Variants in SETD2 observed in about 807,000 individuals in gnomAD.
The protein encoded by SETD2 is histone-lysine N-methyltransferase SETD2.
SETD2 carries 31 observed loss-of-function variants against 242.1 expected under a neutral mutation model. That is an observed-to-expected ratio of 0.13 (90% CI 0.10 to 0.17). The LOEUF (loss-of-function observed/expected upper bound fraction) is 0.17. Among genes scored for constraint, SETD2 ranks in the 10% least tolerant of loss-of-function variants. The pLI, the probability that SETD2 is intolerant of heterozygous loss-of-function variation, is 1.00. For synonymous variants in SETD2, 1,006 were observed against 1,066.5 expected, an observed-to-expected ratio of 0.94 and a Z score of 1.11; for missense variants, 2,481 against 3,046.3, an observed-to-expected ratio of 0.81 and a Z score of 4.37.
Position 47,017,518 on chromosome 3 carries a change from C to A in SETD2, c.7533+120G>T, listed in dbSNP as rs551975319. Reference sequence around the variant, plus strand: ...AACCTTCCCTCCCCGTTCCTGGGTCCCCAGCTCTGACATCTGACAAGAAAA... The same window carrying A: ...AACCTTCCCTCCCCGTTCCTGGGTCACCAGCTCTGACATCTGACAAGAAAA... On this transcript the variant is annotated intron_variant, in intron 20 of 20. Transcript: ENST00000409792. The surrounding 1 kb of genome is among the most constrained non-coding windows in gnomAD (Gnocchi z 4.8). The A allele has an allele frequency of 1.3e-4, 101 of 801,556 alleles. 1 individual carries two copies. The South Asian group carries it at 1.7e-3, about 14-fold the overall frequency. The allele number at this position is 801,556 out of a possible 1,614,324, so 49.7% of individuals were successfully genotyped here.
At chr3:47,106,179 T>C (rs975363862) in intron 5 of SETD2, 59 bp from the exon 6 acceptor site, 28 of 1,475,578 alleles carry the variant, frequency 1.9e-5, no homozygotes, top group Non-Finnish European at 2.6e-5. Flanking sequence ...GGAAAACATA[T>C]ATGCTCAGGC....
intron 9 of SETD2, among the ~76,000 whole-genome samples, chr3:47,093,306 C>A (rs999401954): frequency 2.3e-5 from 3 of 132,788 alleles, no homozygotes; most frequent in Non-Finnish European, 3.1e-5. Context: ...TTTTTTGAGA[C>A]TGAGCTTCAC....
At chr3:47,021,657 G>C (rs1396858408) in intron 18 of SETD2, among the ~76,000 whole-genome samples, 2 of 152,160 alleles carry the variant, frequency 1.3e-5, no homozygotes, top group African/African-American at 4.8e-5. Context: ...GAATACTCTT[G>C]AGAGTACTGA....
chr3:47,055,531 A>C (rs2040017420), intron 15 of SETD2, among the ~76,000 whole-genome samples: 1 of 151,702 alleles, frequency 6.6e-6, no homozygotes, highest in African/African-American at 2.4e-5. Flanking sequence ...ACACAGTGAG[A>C]CCGCATCTCT....
At chr3:47,022,880 G>A (rs2038294357) in intron 18 of SETD2, among the ~76,000 whole-genome samples, 1 of 152,164 alleles carries the variant, frequency 6.6e-6, no homozygotes, top group Non-Finnish European at 1.5e-5. Flanking sequence ...GAGACCTTCT[G>A]GATTAGTTGG....
At chr3:47,153,785 A>T (rs1215218778) in intron 1 of SETD2, among the ~76,000 whole-genome samples, 4 of 152,030 alleles carry the variant, frequency 2.6e-5, no homozygotes, top group African/African-American at 9.7e-5. Flanking sequence ...ATCCCACTTA[A>T]ATGCCTTCAG....
intron 1 of SETD2, among the ~76,000 whole-genome samples, chr3:47,147,718 G>A (rs535489670): frequency 2.6e-5 from 4 of 151,674 alleles, no homozygotes; most frequent in South Asian, 2.1e-4. Flanking sequence ...TCAGGAGATC[G>A]AGACCATCCT....
intron 15 of SETD2, among the ~76,000 whole-genome samples, chr3:47,051,980 G>A (rs554629002): frequency 6.6e-6 from 1 of 152,206 alleles, no homozygotes; most frequent in Non-Finnish European, 1.5e-5. Context: ...AATGTTGGCT[G>A]GGAGATAACA....
At chr3:47,053,943 G>A (rs981874572) in intron 15 of SETD2, among the ~76,000 whole-genome samples, 18 of 152,092 alleles carry the variant, frequency 1.2e-4, no homozygotes, top group African/African-American at 4.3e-4. Context: ...ACCATTCTGA[G>A]GCATTCTGCT....
At chr3:47,060,673 ACCT>A (rs753800589) in intron 14 of SETD2, among the ~76,000 whole-genome samples, 14 of 152,070 alleles carry the variant, frequency 9.2e-5, no homozygotes, top group African/African-American at 3.1e-4. Flanking sequence ...AAAAAAAATC[ACCT>A]CCTCAAGGGA....
chr3:47,099,027 A>G (rs1211674043), intron 8 of SETD2, among the ~76,000 whole-genome samples: 1 of 152,168 alleles, frequency 6.6e-6, no homozygotes, highest in East Asian at 1.9e-4. Flanking sequence ...TGAATATCTG[A>G]CAAGAGAAGC....
At chr3:47,104,796 G>A (rs752032273) in intron 6 of SETD2, among the ~76,000 whole-genome samples, 21 of 152,220 alleles carry the variant, frequency 1.4e-4, no homozygotes, top group Non-Finnish European at 2.8e-4. Context: ...GATGGGCTGG[G>A]TGTAGTGGTT....
At chr3:47,148,670 T>C (rs1490378054) in intron 1 of SETD2, among the ~76,000 whole-genome samples, 1 of 152,212 alleles carries the variant, frequency 6.6e-6, no homozygotes, top group African/African-American at 2.4e-5. Context: ...ATTAATGATG[T>C]TTGACTTAGA....
At chr3:47,035,495 CT>C (rs2038958029) in intron 18 of SETD2, among the ~76,000 whole-genome samples, 1 of 152,234 alleles carries the variant, frequency 6.6e-6, no homozygotes, top group Non-Finnish European at 1.5e-5. Flanking sequence ...CTACTTTGTG[CT>C]TGGCTAGTTT....
At chr3:47,085,359 A>C (rs2041508358) in intron 11 of SETD2, among the ~76,000 whole-genome samples, 1 of 152,218 alleles carries the variant, frequency 6.6e-6, no homozygotes, top group Admixed American at 6.5e-5. Flanking sequence ...CTATGTAACA[A>C]CATATTTAAA....
intron 12 of SETD2, among the ~76,000 whole-genome samples, chr3:47,070,936 C>G (rs1368972322): frequency 6.6e-6 from 1 of 152,056 alleles, no homozygotes; most frequent in Non-Finnish European, 1.5e-5. Flanking sequence ...GGGTCTTGCT[C>G]TGTTGCCCAG....
At chr3:47,112,488 G>A (rs1277948751) in intron 5 of SETD2, among the ~76,000 whole-genome samples, 1 of 152,090 alleles carries the variant, frequency 6.6e-6, no homozygotes, top group Non-Finnish European at 1.5e-5. Context: ...CACCACATTG[G>A]CCAGGCTGGT....
intron 1 of SETD2, among the ~76,000 whole-genome samples, chr3:47,148,479 T>C (rs1287154217): frequency 6.6e-6 from 1 of 152,110 alleles, no homozygotes; most frequent in East Asian, 1.9e-4. Context: ...AAACTTTCTT[T>C]TAATGAAGAC....
rs1309150228 is a variant in SETD2, at chr3:47,106,493, T to TTAAAAAA, written c.4716-374_4716-373insTTTTTTA. Among the ~76,000 whole-genome samples the TTAAAAAA allele has an allele frequency of 1.0e-4, 6 of 57,260 alleles. 1 individual carries two copies. Among genetic ancestry groups the TTAAAAAA allele is most frequent in the African/African-American group, 4.0e-4 (6 of 14,910 alleles). 37.6% of individuals were successfully genotyped at this position (57,260 alleles called of 152,430 possible). ...CTGAAAAGTTAGAGGATTTTTGCTC[T>TTAAAAAA]AAAAAAAAAAAAAAAAAAAAAAAAA... On this transcript the variant is annotated intron_variant, in intron 5 of 20. Transcript: ENST00000409792.
Sources: gnomAD v4.1 joint callset for allele counts (sites outside exome capture counted in the v4.1 genomes callset) on GRCh38, gnomAD v4.1.1 for gene constraint, Gnocchi (gnomAD v3.1) non-coding constraint, MANE v1.5 for transcripts, NCBI Gene and HGNC (gene_info 2026-07-23, HGNC 2026-07-21) for gene names.